The following WWOX variants were observed in gnomAD, a reference collection of about 807,000 sequenced individuals.
WWOX encodes WW domain containing oxidoreductase, also known as WW domain-containing oxidoreductase.
WWOX carries 69 observed loss-of-function variants against 46.2 expected under a neutral mutation model. That is an observed-to-expected ratio of 1.49 (90% confidence interval 1.23 to 1.82). The LOEUF is 1.82. Ranked by LOEUF, WWOX falls within the 40% of genes most tolerant of loss-of-function variation. The probability of loss-of-function intolerance (pLI) is 0.00; values close to 1 mark genes in which losing one functional copy is unlikely to be tolerated. For missense variants in WWOX, 919 were observed against 542.6 expected (o/e 1.69, Z -6.89); for synonymous variants, 359 against 202.6 (o/e 1.77, Z -6.56).
chr16:78,396,150 CTCA>C (rs1456060635), intron 6 of WWOX, among the ~76,000 whole-genome samples: 1 of 152,226 alleles, frequency 6.6e-6, no homozygotes, highest in African/African-American at 2.4e-5. Context: ...TATGCCTTCT[CTCA>C]TATCTCCTGT....
rs138541435 is a variant in WWOX at position 79,064,445 on chromosome 16, C to G, written c.1057-147163C>G. Among the ~76,000 whole-genome samples, 34 of 152,322 alleles carry G rather than the reference C, an allele frequency of 2.2e-4. No homozygotes were observed. In the East Asian group the frequency reaches 3.9e-3, roughly 17 times the overall value. On this transcript the variant is annotated intron_variant, in intron 8 of 8. Transcript: ENST00000566780. ...AGATAATGCGTGAAAAGTGCTGACT[C>G]AGCACCTGCAGAACCCATGCGTCGT...
intron 8 of WWOX, among the ~76,000 whole-genome samples, chr16:79,069,819 TGTTA>T (rs545879640): frequency 9.0e-4 from 137 of 152,268 alleles, no homozygotes; most frequent in African/African-American, 3.0e-3. Context: ...TGCTAACTGG[TGTTA>T]GTTAGTCTCA....
chr16:78,454,156 C>A (rs1351442191), intron 8 of WWOX, among the ~76,000 whole-genome samples: 1 of 152,196 alleles, frequency 6.6e-6, no homozygotes, highest in Non-Finnish European at 1.5e-5. Context: ...TCCGGGCATA[C>A]TCCTAATCTA....
At chr16:78,763,147 A>G (rs1189003787) in intron 8 of WWOX, among the ~76,000 whole-genome samples, 1 of 152,234 alleles carries the variant, frequency 6.6e-6, no homozygotes, top group Non-Finnish European at 1.5e-5. Context: ...AAGTACTGAA[A>G]GCGTTACAGT....
At chr16:78,765,418 C>G (rs1346637702) in intron 8 of WWOX, among the ~76,000 whole-genome samples, 1 of 152,160 alleles carries the variant, frequency 6.6e-6, no homozygotes, top group African/African-American at 2.4e-5. Flanking sequence ...GTGGCTCATA[C>G]TTATAATCCC....
intron 8 of WWOX, among the ~76,000 whole-genome samples, chr16:78,962,320 TTTTTTTAAA>T (rs1343244205): frequency 1.3e-4 from 12 of 93,042 alleles, no homozygotes; most frequent in African/African-American, 4.8e-4. Context: ...TTTTTTTTTT[TTTTTTTAAA>T]AAAAAAAAAA....
chr16:78,925,585 A>G (rs934570195), intron 8 of WWOX, among the ~76,000 whole-genome samples: 3 of 152,220 alleles, frequency 2.0e-5, no homozygotes, highest in African/African-American at 7.2e-5. Flanking sequence ...GGGTAGTATT[A>G]CAGGGAGGAG....
intron 8 of WWOX, among the ~76,000 whole-genome samples, chr16:78,599,676 G>A (rs2045575120): frequency 6.6e-6 from 1 of 152,218 alleles, no homozygotes; most frequent in Non-Finnish European, 1.5e-5. Context: ...TGAAGAGACA[G>A]GTTGGACCAA....
intron 5 of WWOX, among the ~76,000 whole-genome samples, chr16:78,334,808 G>GCGCACACA (rs1555521509): frequency 8.9e-5 from 7 of 78,754 alleles, no homozygotes; most frequent in Non-Finnish European, 1.5e-4. Flanking sequence ...ACACACACAC[G>GCGCACACA]CACACACACA....
chr16:78,376,096 C>T (rs141553196), intron 5 of WWOX, among the ~76,000 whole-genome samples: 13,660 of 152,104 alleles, frequency 0.09, 834 homozygotes, highest in South Asian at 0.17. Context: ...GTGATCCACC[C>T]GCTTCAGCCT....
chr16:79,207,877 C>T (rs1017573000), intron 8 of WWOX, among the ~76,000 whole-genome samples: 9 of 151,958 alleles, frequency 5.9e-5, no homozygotes, highest in Non-Finnish European at 1.2e-4. Context: ...TCTGTGCTGA[C>T]AACTATAAAT....
rs893834001 is a variant in WWOX, at chr16:78,702,640, G to A, written c.1056+269888G>A. The stretch of plus-strand genomic sequence containing the variant: ...ACTGTACTTCAGCCTGGGCAACAGA[G>A]CAAGACTCTGTCTCAAAAAAAAGAA... On this transcript the variant is annotated intron_variant, in intron 8 of 8. Transcript: ENST00000566780. Among the ~76,000 whole-genome samples the A allele has an allele frequency of 6.1e-5, 9 of 147,160 alleles. No homozygotes were observed. In the South Asian group the frequency reaches 1.7e-3, roughly 28 times the overall value.
intron 4 of WWOX, among the ~76,000 whole-genome samples, chr16:78,122,183 G>C (rs180710553): frequency 6.6e-6 from 1 of 152,182 alleles, no homozygotes; most frequent in African/African-American, 2.4e-5. Context: ...GAATACATAG[G>C]GTTTGGTACT....
At chr16:78,960,699 C>G (rs1443366986) in intron 8 of WWOX, among the ~76,000 whole-genome samples, 1 of 152,186 alleles carries the variant, frequency 6.6e-6, no homozygotes, top group Non-Finnish European at 1.5e-5. Context: ...CCATCAGCTA[C>G]TGGGATGTAT....
intron 8 of WWOX, among the ~76,000 whole-genome samples, chr16:78,972,206 C>A (rs1282127269): frequency 6.6e-6 from 1 of 152,096 alleles, no homozygotes; most frequent in Non-Finnish European, 1.5e-5. Flanking sequence ...AGCTGCCGTG[C>A]TTGGAGGGGC....
chr16:79,065,685 C>T (rs558229046), intron 8 of WWOX, among the ~76,000 whole-genome samples: 15 of 152,310 alleles, frequency 9.8e-5, no homozygotes, highest in Admixed American at 3.3e-4. Flanking sequence ...AACCTTGTGG[C>T]CTTTTAGGAG....
At position 78,630,430 on chromosome 16, in the gene WWOX, T is replaced by A. The variant is rs1331540352; in HGVS notation, c.1056+197678T>A. On this transcript the variant is annotated intron_variant, in intron 8 of 8. Coordinates refer to ENST00000566780, the MANE Select transcript of WWOX (RefSeq NM_016373.4). ...AATACCTGCTTTCCTTTGTGGAGGC[T>A]GGAATTTTGTTATATGCTACAGAGA... Among the ~76,000 whole-genome samples the A allele has an allele frequency of 2.6e-5, 4 of 152,194 alleles. No individual in the cohort carries two copies. The East Asian group carries it at 7.7e-4, about 29-fold the overall frequency.
chr16:78,252,428 G>C (rs562131393), intron 5 of WWOX, among the ~76,000 whole-genome samples: 6 of 152,154 alleles, frequency 3.9e-5, no homozygotes, highest in African/African-American at 1.4e-4. Flanking sequence ...AACTACGTGG[G>C]TATGTATATA....
At chr16:78,463,164 C>T (rs922668236) in intron 8 of WWOX, among the ~76,000 whole-genome samples, 19 of 152,166 alleles carry the variant, frequency 1.2e-4, no homozygotes, top group African/African-American at 2.4e-4. Context: ...AGTGAAAACG[C>T]GAAAGAAAAT....
Sources: gnomAD v4.1 joint callset for allele counts (sites outside exome capture counted in the v4.1 genomes callset) on GRCh38, gnomAD v4.1.1 for gene constraint, MANE v1.5 for transcripts, NCBI Gene and HGNC (gene_info 2026-07-23, HGNC 2026-07-21) for gene names.